Variants in MGAT4D observed in about 807,000 individuals in gnomAD.
The protein encoded by MGAT4D is MGAT4 family member D.
MGAT4D carries 34 observed loss-of-function variants against 15.9 expected under a neutral mutation model. The ratio of observed to expected loss-of-function variants is 2.14; its 90% confidence interval spans 1.62 to 2.84. The LOEUF is 2.84. Among genes scored for constraint, MGAT4D ranks in the 30% most tolerant of loss-of-function variants. MGAT4D has a pLI of 0.00. For missense variants in MGAT4D, 327 were observed against 140.2 expected, an observed-to-expected ratio of 2.33 and a Z score of -6.73; for synonymous variants, 112 against 48.2, an observed-to-expected ratio of 2.33 and a Z score of -5.49.
chr4:140,449,612 T>C (rs1239794053), intron 10 of MGAT4D, among the ~76,000 whole-genome samples: 1 of 152,094 alleles, frequency 6.6e-6, no homozygotes, highest in Non-Finnish European at 1.5e-5. Context: ...ATAAAAAAGT[T>C]AGCCCGGCAT....
chr4:140,461,753 G>A (rs1217968911), intron 7 of MGAT4D, among the ~76,000 whole-genome samples, 176 bp downstream of exon 7: 1 of 151,910 alleles, frequency 6.6e-6, no homozygotes, highest in Non-Finnish European at 1.5e-5. Context: ...AATACAGTGA[G>A]TATTTTCTAT....
At position 140,447,415 on chromosome 4, in the gene MGAT4D, T is replaced by G. The variant is rs1730203223; in HGVS notation, c.1117-3971A>C. On this transcript the variant is annotated intron_variant, in intron 10 of 10. Coordinates refer to ENST00000511113, the MANE Select transcript of MGAT4D (RefSeq NM_001277353.2). ...GAGTTTAGTGCATATATATTTAGGA[T>G]AGTTAGCTCTTCTTGTGGAATTGAA... Among the ~76,000 whole-genome samples the G allele has an allele frequency of 3.3e-5, 5 of 152,302 alleles. No individual in the cohort carries two copies. In the South Asian group the frequency reaches 1.0e-3, roughly 32 times the overall value.
chr4:140,492,858 A>G (rs1461770515), intron 1 of MGAT4D, among the ~76,000 whole-genome samples: 1 of 152,228 alleles, frequency 6.6e-6, no homozygotes, highest in Non-Finnish European at 1.5e-5. Context: ...AAGACACATA[A>G]TAAGTCTTCA....
chr4:140,446,819 T>C (rs1457413600), intron 10 of MGAT4D, among the ~76,000 whole-genome samples: 1 of 144,632 alleles, frequency 6.9e-6, no homozygotes, highest in Non-Finnish European at 1.5e-5. Context: ...GAGATCTTTC[T>C]AGCTTTTCGA....
At chr4:140,456,795 AG>A in intron 8 of MGAT4D, 76 bp from the exon 9 acceptor site, 1 of 546,822 alleles carries the variant, frequency 1.8e-6, no homozygotes, top group Admixed American at 3.3e-5. Context: ...AAAAAGCAAA[AG>A]TTATTAAAAT....
At chr4:140,495,111 C>A (rs992350493) in intron 1 of MGAT4D, among the ~76,000 whole-genome samples, 1 of 152,186 alleles carries the variant, frequency 6.6e-6, no homozygotes, top group African/African-American at 2.4e-5. Context: ...CACTCTCCCC[C>A]CTGTTCACAT....
intron 8 of MGAT4D, chr4:140,457,000 T>G (rs1293377427): frequency 5.7e-6 from 1 of 175,848 alleles, no homozygotes; most frequent in Non-Finnish European, 1.2e-5. Flanking sequence ...CTAAATCAAG[T>G]GAAAGACAAG....
chr4:140,461,672 A>G (rs889512872), intron 7 of MGAT4D, among the ~76,000 whole-genome samples: 1 of 152,086 alleles, frequency 6.6e-6, no homozygotes, highest in African/African-American at 2.4e-5. Flanking sequence ...GGTAACTATA[A>G]TTTTCTCTGT....
chr4:140,443,342 T>C lies in MGAT4D; in HGVS notation c.*94A>G. ...ATTGTTTACTTATCTGCTAGATAAT[T>C]ATGTATTTTCATTACTACAATTTCT... is the stretch of plus-strand genomic sequence containing the variant. On this transcript the variant is annotated 3_prime_UTR_variant, in exon 11 of 11. Coordinates refer to ENST00000511113, the MANE Select transcript of MGAT4D (RefSeq NM_001277353.2). 2.3e-6 allele frequency: 1 copy of C among 428,536 alleles called. No homozygotes were observed. Among genetic ancestry groups the C allele is most frequent in the Admixed American group, 4.3e-5 (1 of 23,272 alleles). The allele number at this position is 428,536 out of a possible 1,614,324, so 26.5% of individuals were successfully genotyped here.
chr4:140,467,380 G>T (rs1731608656), intron 5 of MGAT4D, among the ~76,000 whole-genome samples: 1 of 152,068 alleles, frequency 6.6e-6, no homozygotes. Flanking sequence ...TAGAGGTAAA[G>T]GGAAATAACA....
chr4:140,468,610 C>A (rs1731705896), intron 5 of MGAT4D, among the ~76,000 whole-genome samples: 1 of 152,070 alleles, frequency 6.6e-6, no homozygotes, highest in Admixed American at 6.5e-5. Flanking sequence ...CAGAATAAAG[C>A]AACTGAGAAG....
At chr4:140,457,568 T>G (rs1730890914) in intron 8 of MGAT4D, 1 of 152,182 alleles carries the variant, frequency 6.6e-6, no homozygotes, top group Non-Finnish European at 1.5e-5. Context: ...AAATTCTAGT[T>G]GGCAAGCTCA....
intron 8 of MGAT4D, chr4:140,457,062 A>G (rs934102988): frequency 6.5e-6 from 1 of 153,792 alleles, no homozygotes; most frequent in African/African-American, 2.4e-5. Flanking sequence ...ATTTTGTACA[A>G]ACTGTATTTT....
chr4:140,471,803 G>T lies in MGAT4D; in HGVS notation c.544C>A (p.His182Asn), dbSNP rs1286058505. The T allele has an allele frequency of 2.0e-6, 1 of 491,770 alleles. No individual in the cohort carries two copies. Among genetic ancestry groups the T allele is most frequent in the Non-Finnish European group, 3.7e-6 (1 of 270,592 alleles). The allele number at this position is 491,770 out of a possible 1,614,324, so 30.5% of individuals were successfully genotyped here. ...TTTGTAATCATTTTAACAACAGAAT[G>T]TAAATAATCTTCATTACTCTAAAAA... is the stretch of plus-strand genomic sequence containing the variant. Reference protein sequence around the residue: ...LVADSNEDYLHSVVKMITKKF... With the variant: ...LVADSNEDYLNSVVKMITKKF... Residue 182 changes from histidine to asparagine, a missense_variant, in exon 5 of 11, where the codon CAT becomes AAT. Coordinates refer to ENST00000511113, the MANE Select transcript of MGAT4D (RefSeq NM_001277353.2).
intron 6 of MGAT4D, among the ~76,000 whole-genome samples, chr4:140,462,897 C>T (rs866027626): frequency 6.6e-6 from 1 of 152,120 alleles, no homozygotes; most frequent in South Asian, 2.1e-4. Context: ...TGAACGTTTG[C>T]TTCAAGAAAC....
intron 10 of MGAT4D, among the ~76,000 whole-genome samples, chr4:140,448,646 C>G (rs760698910): frequency 6.6e-6 from 1 of 152,158 alleles, no homozygotes; most frequent in Non-Finnish European, 1.5e-5. Context: ...TATTAACATT[C>G]TCCTGAATCT....
chr4:140,445,523 CTTTAG>C (rs1277942804), intron 10 of MGAT4D, among the ~76,000 whole-genome samples: 1 of 152,120 alleles, frequency 6.6e-6, no homozygotes, highest in African/African-American at 2.4e-5. Flanking sequence ...TATAGAAGCT[CTTTAG>C]TTTAATTAGA....
At chr4:140,477,299 A>T (rs1578692591) in intron 3 of MGAT4D, among the ~76,000 whole-genome samples, 1 of 152,264 alleles carries the variant, frequency 6.6e-6, no homozygotes, top group East Asian at 1.9e-4. Flanking sequence ...TATTTCCCTT[A>T]TCACAGCACC....
chr4:140,497,705 C>T (rs1003211324), intron 1 of MGAT4D, among the ~76,000 whole-genome samples: 4 of 152,156 alleles, frequency 2.6e-5, no homozygotes, highest in African/African-American at 9.7e-5. Flanking sequence ...GTGATGTAAC[C>T]CAGACCACGA....
Sources: allele counts gnomAD v4.1 joint callset (sites outside exome capture counted in the v4.1 genomes callset), GRCh38; gene constraint gnomAD v4.1.1; transcripts MANE v1.5; gene names NCBI Gene and HGNC (gene_info 2026-07-23, HGNC 2026-07-21).